Variants in STK31 observed in about 807,000 individuals in gnomAD.
STK31 encodes serine/threonine kinase 31.
Under a neutral mutation model 129.7 loss-of-function variants are expected in STK31, and 89 were observed. That is an observed-to-expected ratio of 0.69 (90% confidence interval 0.58 to 0.82). STK31 has a LOEUF of 0.82. STK31 is among the 40% of genes least tolerant of loss of function. The pLI is 0.00. For missense variants in STK31, 1,187 were observed against 1,176.4 expected (o/e 1.01, Z -0.13); for synonymous variants, 448 against 395.3 (o/e 1.13, Z -1.58).
intron 8 of STK31, among the ~76,000 whole-genome samples, chr7:23,738,817 C>G (rs1787879806): frequency 6.6e-6 from 1 of 152,158 alleles, no homozygotes; most frequent in Admixed American, 6.5e-5. Flanking sequence ...TCCCAAAGTG[C>G]TGGGATTACA....
chr7:23,825,752 C>T (rs543944950), intron 23 of STK31, among the ~76,000 whole-genome samples: 1 of 152,198 alleles, frequency 6.6e-6, no homozygotes, highest in Admixed American at 6.5e-5. Flanking sequence ...ATACATTTCC[C>T]TCTACACACT....
intron 5 of STK31, among the ~76,000 whole-genome samples, chr7:23,728,513 AT>A (rs982250484): frequency 3.3e-5 from 5 of 152,130 alleles, no homozygotes; most frequent in Non-Finnish European, 7.4e-5. Context: ...TATTTTACAT[AT>A]GTTTTTCAGT....
chr7:23,729,448 CAT>C (rs1787268085), intron 6 of STK31, among the ~76,000 whole-genome samples, 199 bp downstream of exon 6: 1 of 150,974 alleles, frequency 6.6e-6, no homozygotes, highest in African/African-American at 2.4e-5. Flanking sequence ...ATGACATACA[CAT>C]ATATAATATA....
rs1184877257 is a variant in STK31, at chr7:23,790,870, T to C, written c.2684T>C (p.Met895Thr). ...ATGATGGTTGGTGACTTGAGTTTGA[T>C]GTCACCTGAGTTGAAAATGGGAAAA... Reference protein sequence around the residue: ...VNMMVGDLSLMSPELKMGKPA... With the variant: ...VNMMVGDLSLTSPELKMGKPA... Residue 895 changes from methionine (M) to threonine (T), a missense_variant, in exon 22 of 24, where the codon ATG (methionine) becomes ACG (threonine). Around this residue, in one of 5 missense-constraint regions of STK31, gnomAD observed 975 missense variants for 934.9 expected, o/e 1.04. Coordinates refer to ENST00000355870, the MANE Select transcript of STK31 (RefSeq NM_031414.5). The C allele has an allele frequency of 2.5e-6, 4 of 1,609,246 alleles. No homozygotes were observed. The South Asian group carries it at 4.4e-5, about 18-fold the overall frequency.
At chr7:23,810,722 T>G (rs1399335940) in intron 22 of STK31, among the ~76,000 whole-genome samples, 1 of 34,002 alleles carries the variant, frequency 2.9e-5, no homozygotes, top group African/African-American at 9.1e-5. Flanking sequence ...AATAGATATA[T>G]ATAAAATAGA....
rs375943570 is a variant in STK31 at position 23,788,084 on chromosome 7, C to A, written c.2592C>A (p.Asn864Lys). 27 of 1,611,912 alleles carry A rather than the reference C, an allele frequency of 1.7e-5. No homozygotes were observed. The Middle Eastern group carries it at 1.7e-3, about 99-fold the overall frequency. ...SLHQNNVFALNREQGIVGDFD... is the reference protein window; with the variant it reads ...SLHQNNVFALKREQGIVGDFD... ...ATCAGAACAATGTATTTGCTTTAAA[C>A]CGTGAACAAGGAATTGTTGGAGATT... The change falls in exon 21 of 24, where the codon AAC (asparagine) becomes AAA (lysine). Residue 864 changes from asparagine to lysine, a missense_variant. By Grantham distance (94) the Asn-to-Lys change is moderately conservative. Around this residue, in one of 5 missense-constraint regions of STK31, gnomAD observed 975 missense variants for 934.9 expected, o/e 1.04. Transcript: ENST00000355870.
chr7:23,798,586 T>C (rs1422240642), intron 22 of STK31, among the ~76,000 whole-genome samples: 1 of 152,172 alleles, frequency 6.6e-6, no homozygotes, highest in Admixed American at 6.5e-5. Flanking sequence ...AACTAGGTAT[T>C]GATGGAATGT....
At chr7:23,721,784 C>A in intron 4 of STK31, 1 of 646,288 alleles carries the variant, frequency 1.5e-6, no homozygotes, top group Non-Finnish European at 2.9e-6. Context: ...TCCAGTTCTG[C>A]GTTAACTGAT....
intron 23 of STK31, among the ~76,000 whole-genome samples, chr7:23,820,248 C>T (rs1025700871): frequency 6.6e-6 from 1 of 152,160 alleles, no homozygotes; most frequent in Non-Finnish European, 1.5e-5. Context: ...ATACCCAAGT[C>T]CTACAGTTGG....
chr7:23,807,729 G>GT (rs375813755), intron 22 of STK31, among the ~76,000 whole-genome samples: 12 of 149,826 alleles, frequency 8.0e-5, no homozygotes, highest in Admixed American at 2.0e-4. Context: ...TTATCAGGGT[G>GT]TTTTTTTTTG....
intron 3 of STK31, among the ~76,000 whole-genome samples, chr7:23,715,779 G>GT (rs1295816327): frequency 3.3e-5 from 5 of 151,888 alleles, no homozygotes; most frequent in Admixed American, 1.3e-4. Context: ...CTCTTTCAGA[G>GT]TTTTTTTTCA....
rs1790066802 is a variant in STK31 at position 23,769,688 on chromosome 7, G to A, written c.1645G>A (p.Asp549Asn). 6.2e-7 allele frequency: 1 copy of A among 1,612,010 alleles called. No individual in the cohort carries two copies. Among genetic ancestry groups the A allele is most frequent in the Non-Finnish European group, 8.5e-7 (1 of 1,178,836 alleles). ...ATCACTGATTTCAGAAGACGCAATGGATAATATTGATGAAATCCTAGAGAA... is the reference window on the plus strand; with the variant it reads ...ATCACTGATTTCAGAAGACGCAATGAATAATATTGATGAAATCCTAGAGAA... ...EGSLISEDAM[D>N]NIDEILEKTE... Residue 549 changes from aspartate (D) to asparagine (N), a missense_variant, in exon 13 of 24, where the codon GAT (aspartate) becomes AAT (asparagine). Coordinates refer to ENST00000355870, the MANE Select transcript of STK31 (RefSeq NM_031414.5).
At chr7:23,763,519 T>G (rs1057233927) in intron 11 of STK31, among the ~76,000 whole-genome samples, 2 of 152,214 alleles carry the variant, frequency 1.3e-5, no homozygotes, top group Non-Finnish European at 2.9e-5. Flanking sequence ...CCTTTAATAT[T>G]GTTTAAAATT....
intron 3 of STK31, among the ~76,000 whole-genome samples, chr7:23,713,504 G>A (rs1254570602): frequency 2.6e-5 from 4 of 152,114 alleles, no homozygotes; most frequent in Non-Finnish European, 5.9e-5. Flanking sequence ...TTAGCTTACT[G>A]TAACTTTTAA....
intron 11 of STK31, among the ~76,000 whole-genome samples, chr7:23,766,959 C>T (rs529662642): frequency 1.1e-3 from 169 of 152,266 alleles, no homozygotes; most frequent in Non-Finnish European, 1.9e-3. Context: ...CTTGACTTAA[C>T]CATGTAGCTA....
chr7:23,785,666 C>A, intron 18 of STK31, 63 bp downstream of exon 18: 1 of 1,527,284 alleles, frequency 6.5e-7, no homozygotes, highest in Non-Finnish European at 8.8e-7. Context: ...GGTGCTGTTA[C>A]ATTTCAAGAA....
Position 23,789,937 on chromosome 7 carries a change from G to C in STK31, c.2638-887G>C, listed in dbSNP as rs1791515462. ...ATTTTCAGATTGAAGTGGTTATCAGGAAGATAAATTTGAAAAGTAGTCTGA... is the reference window on the plus strand; with the variant it reads ...ATTTTCAGATTGAAGTGGTTATCAGCAAGATAAATTTGAAAAGTAGTCTGA... On this transcript the variant is annotated intron_variant, in intron 21 of 23. Transcript: ENST00000355870. Among the ~76,000 whole-genome samples, 3 of 152,096 alleles carry C rather than the reference G, an allele frequency of 2.0e-5. No homozygotes were observed. The South Asian group carries it at 6.2e-4, about 32-fold the overall frequency.
Position 23,730,870 on chromosome 7 carries a change from A to ATTTTTTTTT in STK31, c.483+1622_483+1623insTTTTTTTTT, listed in dbSNP as rs1263694532. ...TATATAAACATTTATATATATATAT[A>ATTTTTTTTT]TATATATATTTTTTTTTTTTTTTTT... On this transcript the variant is annotated intron_variant, in intron 6 of 23. Coordinates refer to ENST00000355870, the MANE Select transcript of STK31 (RefSeq NM_031414.5). 1.1e-3 allele frequency among the ~76,000 whole-genome samples: 49 copies of ATTTTTTTTT among 45,260 alleles called. 1 individual carries two copies. The Admixed American group carries it at 0.016, about 15-fold the overall frequency. The allele number at this position is 45,260 out of a possible 152,430, so 29.7% of individuals were successfully genotyped here. A position where few individuals can be genotyped will look rare whatever the true frequency, so the allele number is the denominator to read the frequency against.
At chr7:23,777,723 G>T (rs1790651190) in intron 15 of STK31, among the ~76,000 whole-genome samples, 1 of 151,554 alleles carries the variant, frequency 6.6e-6, no homozygotes, top group South Asian at 2.1e-4. Flanking sequence ...TGAGCCTATG[G>T]TGTGTCTTTG....
Sources: gnomAD v4.1 joint callset for allele counts (sites outside exome capture counted in the v4.1 genomes callset) on GRCh38, gnomAD v4.1.1 for gene constraint, gnomAD v4.1.1 regional missense constraint, MANE v1.5 for transcripts, NCBI Gene and HGNC (gene_info 2026-07-23, HGNC 2026-07-21) for gene names.